CUL4B: variants seen among roughly 807,000 people sequenced by gnomAD.
The protein encoded by CUL4B is cullin-4B.
Under a neutral mutation model 69.2 loss-of-function variants are expected in CUL4B, and 1 was observed. That is an observed-to-expected ratio of 0.01 (90% confidence interval 0.01 to 0.07). The LOEUF is 0.07. Among genes scored for constraint, CUL4B ranks in the 10% least tolerant of loss-of-function variants. The probability of loss-of-function intolerance (pLI) is 1.00; values close to 1 mark genes in which losing one functional copy is unlikely to be tolerated. For missense variants in CUL4B, 328 were observed against 638.8 expected (o/e 0.51, Z 5.24); for synonymous variants, 237 against 223.2 (o/e 1.06, Z -0.55).
chrX:120,555,926 A>G (rs1358505232), intron 2 of CUL4B, among the ~76,000 whole-genome samples: 1 of 95,529 alleles, frequency 1.0e-5, no homozygotes, highest in Non-Finnish European at 2.1e-5. Context: ...TGAGTGACAT[A>G]GCAAGACTCC....
Position 120,538,477 on chromosome X carries a change from T to G in CUL4B, c.1852+183A>C. On this transcript the variant is annotated intron_variant, in intron 13 of 19. Transcript: ENST00000371322. ...TAAAACCAAGAACAATGCTTTATCT[T>G]AAAAAAAACAACTCTGGATATTATG... The G allele has an allele frequency of 7.3e-6, 3 of 411,311 alleles. No homozygotes were observed. The South Asian group carries it at 1.2e-4, about 16-fold the overall frequency. The allele number at this position is 411,311 out of a possible 1,213,427, so 33.9% of individuals were successfully genotyped here.
chrX:120,533,724 T>C (rs1432466094), intron 17 of CUL4B, among the ~76,000 whole-genome samples: 4 of 111,805 alleles, frequency 3.6e-5, no homozygotes, highest in African/African-American at 9.8e-5. Flanking sequence ...CCAGTACTTA[T>C]GGGTTTTGAC....
At chrX:120,538,849 G>A in intron 12 of CUL4B, 79 bp from the exon 13 acceptor site, 1 of 602,923 alleles carries the variant, frequency 1.7e-6, no homozygotes, top group Non-Finnish European at 2.7e-6. Flanking sequence ...CTTTAATAAA[G>A]CACACCATTA....
rs924379691 is a variant in CUL4B, at chrX:120,524,844, G to A, written c.*1917C>T. On this transcript the variant is annotated 3_prime_UTR_variant, in exon 20 of 20. Coordinates refer to ENST00000371322, the MANE Select transcript of CUL4B (RefSeq NM_001079872.2). Reference sequence around the variant, plus strand: ...TTTTCAAAGAATTAAGAGCCTCGGGGAGGGGACCCGCTTTCAAGATACTGA... The same window carrying A: ...TTTTCAAAGAATTAAGAGCCTCGGGAAGGGGACCCGCTTTCAAGATACTGA... 4 of 111,203 alleles carry A rather than the reference G, an allele frequency of 3.6e-5. No individual in the cohort carries two copies. The highest frequency in any genetic ancestry group is 1.3e-4 in the African/African-American group (4 of 30,518). The allele number at this position is 111,203 out of a possible 1,213,427, so 9.2% of individuals were successfully genotyped here.
At chrX:120,556,377 T>C (rs1362961195) in intron 2 of CUL4B, among the ~76,000 whole-genome samples, 1 of 112,155 alleles carries the variant, frequency 8.9e-6, no homozygotes, top group Non-Finnish European at 1.9e-5. Flanking sequence ...GTGAAGAAGC[T>C]ATAATGTGGC....
intron 2 of CUL4B, among the ~76,000 whole-genome samples, chrX:120,547,677 T>C (rs1418443009): frequency 9.0e-6 from 1 of 111,293 alleles, no homozygotes; most frequent in Non-Finnish European, 1.9e-5. Flanking sequence ...CTTGATTGGA[T>C]TGAAGGATAC....
Position 120,560,858 on chromosome X carries a change from G to C in CUL4B, c.-220C>G. 4.0e-6 allele frequency: 3 copies of C among 753,555 alleles called. No homozygotes were observed. The highest frequency in any genetic ancestry group is 4.7e-6 in the Non-Finnish European group (3 of 639,065). The allele number at this position is 753,555 out of a possible 1,213,427, so 62.1% of individuals were successfully genotyped here. ...GACACCAGGAGTGAGCAGAACGAGG[G>C]GGGAGAGCGAATGAGGAGGCAGACA... On this transcript the variant is annotated 5_prime_UTR_variant, in exon 1 of 20. Coordinates refer to ENST00000371322, the MANE Select transcript of CUL4B (RefSeq NM_001079872.2).
upstream of CUL4B, among the ~76,000 whole-genome samples, chrX:120,565,807 G>C (rs1925488186): frequency 1.1e-5 from 1 of 92,597 alleles, no homozygotes; most frequent in African/African-American, 4.1e-5. Flanking sequence ...CTCACTGCAA[G>C]CTCCGCCTCC....
chrX:120,545,461 T>C lies in CUL4B; in HGVS notation c.903A>G (p.Ser301=), dbSNP rs199927369. 1 of 1,176,261 alleles carries C rather than the reference T, an allele frequency of 8.5e-7. No individual in the cohort carries two copies. The highest frequency in any genetic ancestry group is 3.0e-5 in the East Asian group (1 of 33,335). ...ATCCTTACCAAATGGAGGGTAGCAT[T>C]GAATTCTGAAGAACGTAAGTTCTAT... The part of the protein sequence containing the change: ...FLDRTYVLQN[S]MLPSIWDMGL... Residue 301 remains serine, a synonymous_variant, in exon 5 of 20, where the codon TCA becomes TCG. Transcript: ENST00000371322.
At chrX:120,561,176 G>C, upstream of CUL4B, 1 of 770,565 alleles carries the variant, frequency 1.3e-6, no homozygotes. Context: ...CGCCCGGGGG[G>C]CGGGGGAGCT....
chrX:120,550,927 G>A (rs952568404), intron 2 of CUL4B, among the ~76,000 whole-genome samples: 2 of 111,610 alleles, frequency 1.8e-5, no homozygotes, highest in Non-Finnish European at 3.8e-5. Flanking sequence ...GTCGTTTTAC[G>A]TATATAAAAC....
In CUL4B at chrX:120,524,539, T is replaced by C. The variant is rs1006066354; in HGVS notation, c.*2222A>G. The C allele has an allele frequency of 8.9e-6, 1 of 112,185 alleles. No individual in the cohort carries two copies. Among genetic ancestry groups the C allele is most frequent in the African/African-American group, 3.2e-5 (1 of 30,904 alleles). 9.2% of individuals were successfully genotyped at this position (112,185 alleles called of 1,213,427 possible). A position where few individuals can be genotyped will look rare whatever the true frequency, so the allele number is the denominator to read the frequency against. ...CAAATGTGAGTTCATTAGAAGTTGT[T>C]AGGAAGATTTTAAGTCCTGTGATTT... is the stretch of plus-strand genomic sequence containing the variant. On this transcript the variant is annotated 3_prime_UTR_variant, in exon 20 of 20. Transcript: ENST00000371322.
At chrX:120,566,378 T>TATATATATGTATATATAC (rs1925542805), upstream of CUL4B, among the ~76,000 whole-genome samples, 2 of 81,768 alleles carry the variant, frequency 2.4e-5, no homozygotes. Flanking sequence ...TATATATATA[T>TATATATATGTATATATAC]ATATATATAT....
At chrX:120,535,765 A>T (rs1448763914) in intron 16 of CUL4B, 65 bp downstream of exon 16, 3 of 665,768 alleles carry the variant, frequency 4.5e-6, no homozygotes, top group East Asian at 6.6e-5. Flanking sequence ...ACTTTCAGTT[A>T]AGAAGGATGA....
chrX:120,551,543 T>C (rs915337784), intron 2 of CUL4B, among the ~76,000 whole-genome samples: 5 of 111,539 alleles, frequency 4.5e-5, no homozygotes, highest in African/African-American at 1.6e-4. Context: ...TACTCTACTT[T>C]TCTCACCTTT....
chrX:120,545,395 T>C (rs1250476985), intron 5 of CUL4B, 49 bp downstream of exon 5: 10 of 864,552 alleles, frequency 1.2e-5, no homozygotes, highest in Non-Finnish European at 3.4e-6. Context: ...GTAATTAAGA[T>C]TTGAGTATGA....
At chrX:120,561,133 C>T, upstream of CUL4B, 1 of 1,012,169 alleles carries the variant, frequency 9.9e-7, no homozygotes, top group Non-Finnish European at 1.3e-6. Flanking sequence ...CGGTGTCAAC[C>T]TCAGGGAGTG....
chrX:120,560,954 A>T lies in CUL4B; in HGVS notation c.-316T>A, dbSNP rs760479973. 1 of 750,317 alleles carries T rather than the reference A, an allele frequency of 1.3e-6. No homozygotes were observed. The highest frequency in any genetic ancestry group is 2.4e-5 in the African/African-American group (1 of 42,500). 61.8% of individuals were successfully genotyped at this position (750,317 alleles called of 1,213,427 possible). On this transcript the variant is annotated 5_prime_UTR_variant, in exon 1 of 20. Transcript: ENST00000371322. ...CCCCCCCTTTCTGCAGGAGCGACTC[A>T]GCGAGTCTGTGAGGCTGCAGCTCCT...
chrX:120,574,527 A>G, intron 2 of CUL4B: 1 of 1,161,348 alleles, frequency 8.6e-7, no homozygotes, highest in Non-Finnish European at 1.2e-6. Context: ...TTAACTCTTG[A>G]GTTTTACTAG....
Sources: gnomAD v4.1 joint callset for allele counts (sites outside exome capture counted in the v4.1 genomes callset) on GRCh38, gnomAD v4.1.1 for gene constraint, MANE v1.5 for transcripts, NCBI Gene and HGNC (gene_info 2026-07-23, HGNC 2026-07-21) for gene names.